Variants in COL22A1 observed in about 807,000 individuals in gnomAD.
COL22A1 encodes the protein collagen type XXII alpha 1 chain, also known as collagen alpha-1(XXII) chain.
COL22A1 carries 221 observed loss-of-function variants against 248.9 expected under a neutral mutation model. The observed-to-expected ratio is 0.89, with a 90% CI of 0.80 to 0.99. The LOEUF is 0.99. Ranked by LOEUF, COL22A1 falls within the 50% of genes least tolerant of loss-of-function variation. COL22A1 has a pLI of 0.00. For missense variants in COL22A1, 2,240 were observed against 2,179.0 expected (o/e 1.03, Z -0.56); for synonymous variants, 891 against 793.4 (o/e 1.12, Z -2.07).
In COL22A1 at chr8:138,807,754, A is replaced by G. The variant is rs1563790863; in HGVS notation, c.1494+14T>C. 26 of 1,613,436 alleles carry G rather than the reference A, an allele frequency of 1.6e-5. No homozygotes were observed. Among genetic ancestry groups the G allele is most frequent in the Non-Finnish European group, 1.9e-5 (22 of 1,179,424 alleles). On this transcript the variant is annotated intron_variant, in intron 10 of 64. Transcript: ENST00000303045. ...TGAGGTTCTAAACTACACCTCTGCC[A>G]TGCCTGTACTGACCTTTGGACCAGG...
Position 138,716,295 on chromosome 8 carries a change from A to G in COL22A1, c.2401-6T>C. The G allele has an allele frequency of 6.3e-7, 1 of 1,580,084 alleles. No homozygotes were observed. Among genetic ancestry groups the G allele is most frequent in the Non-Finnish European group, 8.6e-7 (1 of 1,160,646 alleles). ...CCTGGGAGGCCTGCTTCTCCCTGTGAGAACAAAATATTCACAAGGCGTCAA... is the reference window on the plus strand; with the variant it reads ...CCTGGGAGGCCTGCTTCTCCCTGTGGGAACAAAATATTCACAAGGCGTCAA... On this transcript the variant is annotated splice_polypyrimidine_tract_variant and splice_region_variant and intron_variant, in intron 28 of 64. Coordinates refer to ENST00000303045, the MANE Select transcript of COL22A1 (RefSeq NM_152888.3).
chr8:138,608,024 G>A (rs11166829), intron 56 of COL22A1, 35 bp from the exon 57 acceptor site: 1,177,964 of 1,607,742 alleles, frequency 0.73, 441,853 homozygotes, highest in Non-Finnish European at 0.78. Context: ...ATCCTGCCAG[G>A]GCATCAAAGA....
chr8:138,628,519 A>G (rs547447369), intron 50 of COL22A1, among the ~76,000 whole-genome samples: 2 of 152,310 alleles, frequency 1.3e-5, no homozygotes, highest in Non-Finnish European at 2.9e-5. Context: ...CTCCGCAACA[A>G]GAGTGAAACT....
At chr8:138,820,649 A>G (rs1819038025) in intron 7 of COL22A1, among the ~76,000 whole-genome samples, 1 of 152,184 alleles carries the variant, frequency 6.6e-6, no homozygotes, top group African/African-American at 2.4e-5. Context: ...TCAAGGAAGA[A>G]GGAAAAAATC....
intron 3 of COL22A1, among the ~76,000 whole-genome samples, chr8:138,875,335 C>T (rs1195347043): frequency 6.6e-6 from 1 of 152,112 alleles, no homozygotes; most frequent in Admixed American, 6.6e-5. Context: ...GGGACTTGAC[C>T]TCTCTGGGGT....
chr8:138,672,355 T>C (rs1057444379), intron 41 of COL22A1, among the ~76,000 whole-genome samples: 2 of 152,232 alleles, frequency 1.3e-5, no homozygotes, highest in African/African-American at 4.8e-5. Flanking sequence ...ATGTTGGCTG[T>C]GGTTGCCATT....
intron 41 of COL22A1, among the ~76,000 whole-genome samples, chr8:138,665,509 G>C (rs747823615): frequency 4.6e-5 from 7 of 152,246 alleles, no homozygotes; most frequent in Non-Finnish European, 8.8e-5. Flanking sequence ...GCCCTTACAG[G>C]CATCTGGTAG....
In COL22A1 at chr8:138,619,579, G is replaced by T. The variant is rs140779142; in HGVS notation, c.3772-71C>A. On this transcript the variant is annotated intron_variant, in intron 52 of 64. Coordinates refer to ENST00000303045, the MANE Select transcript of COL22A1 (RefSeq NM_152888.3). ...AATCTTCCTATTCCTGGCTCTCTGT[G>T]TTTCCTACCAATCTATTCCCACAAG... 41 of 1,435,296 alleles carry T rather than the reference G, an allele frequency of 2.9e-5. No homozygotes were observed. The African/African-American group carries it at 3.1e-4, about 11-fold the overall frequency. The allele number at this position is 1,435,296 out of a possible 1,614,324, so 88.9% of individuals were successfully genotyped here.
chr8:138,625,273 C>T (rs1380201902), intron 51 of COL22A1, among the ~76,000 whole-genome samples: 1 of 152,000 alleles, frequency 6.6e-6, no homozygotes, highest in African/African-American at 2.4e-5. Flanking sequence ...ATCCTGGTAG[C>T]CTGGGAAGGG....
At chr8:138,763,510 C>A (rs1833680668) in intron 16 of COL22A1, among the ~76,000 whole-genome samples, 1 of 152,206 alleles carries the variant, frequency 6.6e-6, no homozygotes, top group African/African-American at 2.4e-5. Flanking sequence ...CTTGAGCCAA[C>A]TCCCAGGTGC....
chr8:138,815,111 C>T (rs1189414904), intron 7 of COL22A1, among the ~76,000 whole-genome samples: 1 of 152,206 alleles, frequency 6.6e-6, no homozygotes, highest in Non-Finnish European at 1.5e-5. Flanking sequence ...CTTTGCTCCT[C>T]ATTCACCTTC....
intron 2 of COL22A1, among the ~76,000 whole-genome samples, chr8:138,881,870 A>T (rs1051727480): frequency 6.6e-6 from 1 of 152,030 alleles, no homozygotes; most frequent in African/African-American, 2.4e-5. Context: ...CCCCTCCTTC[A>T]CATCTAAGCA....
chr8:138,895,200 C>G (rs1825322056), intron 1 of COL22A1, among the ~76,000 whole-genome samples: 1 of 151,898 alleles, frequency 6.6e-6, no homozygotes, highest in South Asian at 2.1e-4. Flanking sequence ...GTTTACTAAA[C>G]AATAAAATTA....
At chr8:138,772,164 G>A (rs996974943) in intron 16 of COL22A1, among the ~76,000 whole-genome samples, 2 of 152,208 alleles carry the variant, frequency 1.3e-5, no homozygotes, top group Non-Finnish European at 2.9e-5. Context: ...CCGTCTGCAC[G>A]CTGAGTTCGA....
rs1024975258 is a variant in COL22A1, at chr8:138,826,673, C to T, written c.954G>A (p.Gln318=). 2 of 1,613,996 alleles carry T rather than the reference C, an allele frequency of 1.2e-6. No individual in the cohort carries two copies. The highest frequency in any genetic ancestry group is 1.3e-5 in the African/African-American group (1 of 75,020). Reference sequence around the variant, plus strand: ...CTGCCCTTACCTGTGGGATGCTGTACTGGTCGATGACCTGCCAGATATACC... The same window carrying T: ...CTGCCCTTACCTGTGGGATGCTGTATTGGTCGATGACCTGCCAGATATACC... ...EDWYIWQVID[Q]YSIPQVSIRL... Residue 318 remains glutamine, a synonymous_variant, in exon 6 of 65, where the codon CAG becomes CAA. Coordinates refer to ENST00000303045, the MANE Select transcript of COL22A1 (RefSeq NM_152888.3).
chr8:138,634,786 A>C (rs1022441449), intron 49 of COL22A1, among the ~76,000 whole-genome samples: 1 of 152,162 alleles, frequency 6.6e-6, no homozygotes, highest in African/African-American at 2.4e-5. Context: ...CCCAGTCCCA[A>C]CATCACTCTA....
chr8:138,783,577 T>A (rs1270078225), intron 12 of COL22A1, among the ~76,000 whole-genome samples: 2 of 152,134 alleles, frequency 1.3e-5, no homozygotes, highest in African/African-American at 4.8e-5. Context: ...GGTCTGCCTT[T>A]CCCAGCCCAC....
Position 138,755,203 on chromosome 8 carries a change from G to A in COL22A1, c.1985C>T (p.Pro662Leu), listed in dbSNP as rs1458622044. ...QEGLKGEQGA[P>L]GPRGHQGAPG... ...GGCGCCTTGGTGACCTCTGGGTCCTGGAGCTCCCTGGTAACACAAGCCAAA... is the reference window on the plus strand; with the variant it reads ...GGCGCCTTGGTGACCTCTGGGTCCTAGAGCTCCCTGGTAACACAAGCCAAA... The change falls in exon 21 of 65, where the codon CCA (proline) becomes CTA (leucine). Residue 662 changes from proline to leucine, a missense_variant. Pro to Leu is a moderately conservative substitution (Grantham distance 98). Transcript: ENST00000303045. 6.2e-7 allele frequency: 1 copy of A among 1,614,072 alleles called. No individual in the cohort carries two copies. The highest frequency in any genetic ancestry group is 8.5e-7 in the Non-Finnish European group (1 of 1,179,974).
At position 138,653,972 on chromosome 8, in the gene COL22A1, C is replaced by T. The variant is rs148858329; in HGVS notation, c.3333+1925G>A. On this transcript the variant is annotated intron_variant, in intron 45 of 64. Coordinates refer to ENST00000303045, the MANE Select transcript of COL22A1 (RefSeq NM_152888.3). ...CTCCACAGGCTACCCTGCACGTAGGCGCTTGCATTCCTTCTGGGGTTTCCA... is the reference window on the plus strand; with the variant it reads ...CTCCACAGGCTACCCTGCACGTAGGTGCTTGCATTCCTTCTGGGGTTTCCA... 3.1e-3 allele frequency among the ~76,000 whole-genome samples: 476 copies of T among 152,336 alleles called. 4 individuals carry two copies. Among genetic ancestry groups the T allele is most frequent in the Admixed American group, 0.024 (370 of 15,308 alleles).
Sources: gnomAD v4.1 joint callset for allele counts (sites outside exome capture counted in the v4.1 genomes callset) on GRCh38, gnomAD v4.1.1 for gene constraint, MANE v1.5 for transcripts, NCBI Gene and HGNC (gene_info 2026-07-23, HGNC 2026-07-21) for gene names.